Variants in SPSB4 observed in about 807,000 individuals in gnomAD.
SPSB4 encodes splA/ryanodine receptor domain and SOCS box containing 4.
In SPSB4, 21 loss-of-function variants were observed where a neutral mutation model predicts 20.9. That is an observed-to-expected ratio of 1.01 (90% confidence interval 0.71 to 1.45). SPSB4 has a LOEUF of 1.45. Ranked by LOEUF, SPSB4 falls within the 40% of genes most tolerant of loss-of-function variation. The pLI is 0.00. For missense variants in SPSB4, 399 were observed against 399.2 expected, an observed-to-expected ratio of 1.00 and a Z score of 0.00; for synonymous variants, 207 against 183.8, an observed-to-expected ratio of 1.13 and a Z score of -1.02.
intron 2 of SPSB4, among the ~76,000 whole-genome samples, chr3:141,098,979 A>G (rs1279470834): frequency 6.6e-6 from 1 of 152,108 alleles, no homozygotes; most frequent in Admixed American, 6.5e-5. Flanking sequence ...AAGAGACCAG[A>G]TGGGGCCAGA....
chr3:141,069,738 G>C (rs1458074708), intron 2 of SPSB4, among the ~76,000 whole-genome samples: 1 of 152,130 alleles, frequency 6.6e-6, no homozygotes, highest in African/African-American at 2.4e-5. Flanking sequence ...AAAGCTCACC[G>C]GCACAGAGCA....
At chr3:141,126,944 G>A (rs145744832) in intron 2 of SPSB4, among the ~76,000 whole-genome samples, 15 of 152,314 alleles carry the variant, frequency 9.8e-5, no homozygotes, top group African/African-American at 3.6e-4. Context: ...GCCCCAGCCC[G>A]GGCTCTCAAA....
intron 1 of SPSB4, among the ~76,000 whole-genome samples, chr3:141,054,734 G>A (rs1158980084): frequency 6.6e-6 from 1 of 152,234 alleles, no homozygotes; most frequent in Non-Finnish European, 1.5e-5. Context: ...GGGAGGCCGA[G>A]GCGGGGGGAT....
At chr3:141,110,117 G>A (rs1351245156) in intron 2 of SPSB4, among the ~76,000 whole-genome samples, 3 of 152,120 alleles carry the variant, frequency 2.0e-5, no homozygotes, top group Non-Finnish European at 4.4e-5. Context: ...GGGATATTTG[G>A]TCCACAGCGG....
rs545272411 is a variant in SPSB4 at position 141,066,088 on chromosome 3, C to T, written c.-17C>T. Reference sequence around the variant, plus strand: ...AGGTAGCGGTGGCCTGCAGCGGCCTCCTCCCCGCAGTGAAGCATGGGCCAG... The same window carrying T: ...AGGTAGCGGTGGCCTGCAGCGGCCTTCTCCCCGCAGTGAAGCATGGGCCAG... On this transcript the variant is annotated 5_prime_UTR_variant, in exon 2 of 3. Transcript: ENST00000310546. 3 of 1,503,826 alleles carry T rather than the reference C, an allele frequency of 2.0e-6. No homozygotes were observed. The East Asian group carries it at 7.9e-5, about 40-fold the overall frequency. 93.2% of individuals were successfully genotyped at this position (1,503,826 alleles called of 1,614,324 possible).
At chr3:141,074,415 T>G (rs1164426871) in intron 2 of SPSB4, among the ~76,000 whole-genome samples, 1 of 152,202 alleles carries the variant, frequency 6.6e-6, no homozygotes, top group Non-Finnish European at 1.5e-5. Context: ...TTATTAAATA[T>G]AGAAATAATT....
chr3:141,145,707 G>A (rs985130163), intron 2 of SPSB4, among the ~76,000 whole-genome samples: 9 of 152,098 alleles, frequency 5.9e-5, no homozygotes, highest in Admixed American at 5.9e-4. Flanking sequence ...TACTCCTGGA[G>A]GACTGGGGAA....
chr3:141,114,427 G>C (rs1049334046), intron 2 of SPSB4, among the ~76,000 whole-genome samples: 3 of 152,208 alleles, frequency 2.0e-5, no homozygotes, highest in Admixed American at 1.3e-4. Flanking sequence ...GAATGCGCAG[G>C]TGCCTGTCCT....
chr3:141,114,847 G>C (rs894393558), intron 2 of SPSB4, among the ~76,000 whole-genome samples: 2 of 152,216 alleles, frequency 1.3e-5, no homozygotes, highest in African/African-American at 4.8e-5. Flanking sequence ...AAGAAAGGAA[G>C]TGTCTGTTTT....
chr3:141,055,060 G>T (rs987257671), intron 1 of SPSB4, among the ~76,000 whole-genome samples: 1 of 152,250 alleles, frequency 6.6e-6, no homozygotes, highest in African/African-American at 2.4e-5. Context: ...AGAGGTAACA[G>T]GTACAAGGCT....
chr3:141,083,281 G>C (rs1241165338), intron 2 of SPSB4, among the ~76,000 whole-genome samples: 1 of 152,204 alleles, frequency 6.6e-6, no homozygotes. Flanking sequence ...TCCCCGGCTG[G>C]TTTGGAGGGC....
intron 2 of SPSB4, among the ~76,000 whole-genome samples, chr3:141,083,689 G>C (rs1016561018): frequency 6.6e-6 from 1 of 152,048 alleles, no homozygotes; most frequent in African/African-American, 2.4e-5. Flanking sequence ...TGGAGGCTCC[G>C]AGCAATGCCA....
At chr3:141,145,139 T>C (rs1939392812) in intron 2 of SPSB4, among the ~76,000 whole-genome samples, 1 of 151,828 alleles carries the variant, frequency 6.6e-6, no homozygotes, top group East Asian at 1.9e-4. Context: ...ATATACTGTC[T>C]CCATATTTGA....
At chr3:141,118,178 T>C (rs1938910047) in intron 2 of SPSB4, among the ~76,000 whole-genome samples, 1 of 152,254 alleles carries the variant, frequency 6.6e-6, no homozygotes, top group African/African-American at 2.4e-5. Context: ...TTTTTAATGA[T>C]TGCCATTCTA....
chr3:141,079,945 G>A (rs1333781567), intron 2 of SPSB4, among the ~76,000 whole-genome samples: 14 of 152,142 alleles, frequency 9.2e-5, no homozygotes, highest in Non-Finnish European at 1.9e-4. Flanking sequence ...GGGTGGTGAG[G>A]CTCAGGGGTC....
At chr3:141,114,681 G>A (rs571861569) in intron 2 of SPSB4, among the ~76,000 whole-genome samples, 1 of 152,306 alleles carries the variant, frequency 6.6e-6, no homozygotes, top group East Asian at 1.9e-4. Context: ...TCAGTCTGTG[G>A]TCTTTTGAGA....
rs568057296 is a variant in SPSB4, at chr3:141,132,662, A to G, written c.695-14480A>G. 3.0e-4 allele frequency among the ~76,000 whole-genome samples: 45 copies of G among 151,902 alleles called. No individual in the cohort carries two copies. In the South Asian group the frequency reaches 9.2e-3, roughly 31 times the overall value. ...TATTCCAAGGTGTGTGTATATATAT[A>G]TATATATATTATCATATTTGGTTTA... is the stretch of plus-strand genomic sequence containing the variant. On this transcript the variant is annotated intron_variant, in intron 2 of 2. Transcript: ENST00000310546.
chr3:141,102,648 A>G (rs1938629825), intron 2 of SPSB4, among the ~76,000 whole-genome samples: 1 of 152,196 alleles, frequency 6.6e-6, no homozygotes, highest in Non-Finnish European at 1.5e-5. Context: ...GGAGCATGGC[A>G]GGAAAAAAAG....
rs572597941 is a variant in SPSB4 at position 141,123,717 on chromosome 3, C to A, written c.695-23425C>A. The stretch of plus-strand genomic sequence containing the variant: ...ATATTGGATGTGTTTCTTTCAGTAC[C>A]CATAGGGGCAGCTGGGTTGTTCCAG... On this transcript the variant is annotated intron_variant, in intron 2 of 2. Transcript: ENST00000310546. 5.3e-4 allele frequency among the ~76,000 whole-genome samples: 80 copies of A among 152,334 alleles called. No individual in the cohort carries two copies. The Middle Eastern group carries it at 0.01, about 19-fold the overall frequency.
Sources: gnomAD v4.1 joint callset for allele counts (sites outside exome capture counted in the v4.1 genomes callset) on GRCh38, gnomAD v4.1.1 for gene constraint, MANE v1.5 for transcripts, NCBI Gene and HGNC (gene_info 2026-07-23, HGNC 2026-07-21) for gene names.